The following AGPAT2 variants were observed in gnomAD, a reference collection of about 807,000 sequenced individuals.
AGPAT2 encodes 1-acylglycerol-3-phosphate O-acyltransferase 2, also known as 1-acyl-sn-glycerol-3-phosphate acyltransferase beta.
In AGPAT2, 18 loss-of-function variants were observed where a neutral mutation model predicts 26.1. That is an observed-to-expected ratio of 0.69 (90% CI 0.48 to 1.02). The LOEUF (loss-of-function observed/expected upper bound fraction) is 1.02. Ranked by LOEUF, AGPAT2 falls within the 50% of genes least tolerant of loss-of-function variation. The pLI, the probability that AGPAT2 is intolerant of heterozygous loss-of-function variation, is 0.00. For missense variants in AGPAT2, 415 were observed against 394.9 expected, an observed-to-expected ratio of 1.05 and a Z score of -0.43; for synonymous variants, 200 against 174.2, an observed-to-expected ratio of 1.15 and a Z score of -1.16.
At chr9:136,682,356 A>G (rs1210786120) in intron 1 of AGPAT2, among the ~76,000 whole-genome samples, 1 of 152,140 alleles carries the variant, frequency 6.6e-6, no homozygotes, top group African/African-American at 2.4e-5. Flanking sequence ...GTCCTGTGCC[A>G]AACACCCTGC....
chr9:136,676,897 G>A, intron 3 of AGPAT2, 64 bp downstream of exon 3: 2 of 1,577,436 alleles, frequency 1.3e-6, no homozygotes, highest in Non-Finnish European at 1.7e-6. Flanking sequence ...GTCACAAGCT[G>A]GCCCCTGCCT....
rs1846233935 is a variant in AGPAT2, at chr9:136,687,212, A to T, written c.146T>A (p.Leu49Gln). 2 of 1,592,738 alleles carry T rather than the reference A, an allele frequency of 1.3e-6. No homozygotes were observed. The highest frequency in any genetic ancestry group is 1.7e-6 in the Non-Finnish European group (2 of 1,174,168). Residue 49 changes from leucine (L) to glutamine (Q), a missense_variant, in exon 1 of 6, where the codon CTG (leucine) becomes CAG (glutamine). Physicochemically the swap from Leu to Gln is moderately radical, Grantham distance 113 (BLOSUM62 -2). Coordinates refer to ENST00000371696, the MANE Select transcript of AGPAT2 (RefSeq NM_006412.4). Reference sequence around the variant, plus strand: ...CACCGTCCGGCCGCCGTGGCGCAGCAGGCAGACGAGCGAGGCCACGGCGGA... The same window carrying T: ...CACCGTCCGGCCGCCGTGGCGCAGCTGGCAGACGAGCGAGGCCACGGCGGA... ...TVSAVASLVC[L>Q]LRHGGRTVEN...
Position 136,687,419 on chromosome 9 carries a change from C to A in AGPAT2, c.-62G>T, listed in dbSNP as rs566958496. On this transcript the variant is annotated 5_prime_UTR_variant, in exon 1 of 6. Coordinates refer to ENST00000371696, the MANE Select transcript of AGPAT2 (RefSeq NM_006412.4). ...TCCCGCTCCCGCTCCCGCTTCTCCC[C>A]CGCGCGCTCAGGCCCCTTATTGCGA... The A allele has an allele frequency of 1.5e-6, 2 of 1,350,420 alleles. No individual in the cohort carries two copies. The highest frequency in any genetic ancestry group is 3.1e-5 in the East Asian group (1 of 32,206). 83.7% of individuals were successfully genotyped at this position (1,350,420 alleles called of 1,614,324 possible). A position where few individuals can be genotyped will look rare whatever the true frequency, so the allele number is the denominator to read the frequency against.
At chr9:136,674,104 T>A (rs143210349) in intron 5 of AGPAT2, among the ~76,000 whole-genome samples, 177 bp from the exon 6 acceptor site, 66 of 152,344 alleles carry the variant, frequency 4.3e-4, no homozygotes, top group African/African-American at 1.5e-3. Flanking sequence ...GTAACGTTGC[T>A]GCAGTAAACC....
At chr9:136,684,102 C>G (rs1028651901) in intron 1 of AGPAT2, among the ~76,000 whole-genome samples, 1 of 152,186 alleles carries the variant, frequency 6.6e-6, no homozygotes, top group Non-Finnish European at 1.5e-5. Context: ...GAAGAGCACC[C>G]CTTTTCTGTC....
Position 136,687,054 on chromosome 9 carries a change from C to T in AGPAT2, c.182+122G>A, listed in dbSNP as rs1457535966. The T allele has an allele frequency of 1.9e-5, 23 of 1,195,624 alleles. No individual in the cohort carries two copies. The East Asian group carries it at 2.1e-4, about 11-fold the overall frequency. 74.1% of individuals were successfully genotyped at this position (1,195,624 alleles called of 1,614,324 possible). On this transcript the variant is annotated intron_variant, in intron 1 of 5. Transcript: ENST00000371696. ...CCTGCCGCCGGCCCAGGCGCGCTCT[C>T]CCCGGAGCCCCGGAGCGGGGCGGGA...
In AGPAT2 at chr9:136,676,565, G is replaced by C. The variant is rs766583849; in HGVS notation, c.588+20C>G. On this transcript the variant is annotated intron_variant, in intron 4 of 5. Transcript: ENST00000371696. ...CCTCCCCAGCCTGCACCCACCCAGG[G>C]AGGGCTGGGCTCAGCCTACCTGTGC... The C allele has an allele frequency of 6.2e-6, 10 of 1,604,070 alleles. No individual in the cohort carries two copies. The highest frequency in any genetic ancestry group is 8.5e-6 in the Non-Finnish European group (10 of 1,172,610).
At chr9:136,678,780 C>T (rs375305698) in intron 1 of AGPAT2, among the ~76,000 whole-genome samples, 2 of 119,782 alleles carry the variant, frequency 1.7e-5, no homozygotes, top group East Asian at 1.9e-4. Flanking sequence ...TCCCCTTGCT[C>T]TGTCTTGCTC....
intron 4 of AGPAT2, among the ~76,000 whole-genome samples, chr9:136,676,255 G>A (rs1462347252): frequency 2.0e-5 from 3 of 152,230 alleles, no homozygotes; most frequent in African/African-American, 2.4e-5. Flanking sequence ...GCCCAGAAAT[G>A]AGCCTCCTGA....
At chr9:136,680,605 G>A (rs1322091511) in intron 1 of AGPAT2, among the ~76,000 whole-genome samples, 2 of 152,138 alleles carry the variant, frequency 1.3e-5, no homozygotes, top group African/African-American at 2.4e-5. Context: ...AGGGCCACAT[G>A]GGGTCCCCCG....
intron 3 of AGPAT2, 138 bp from the exon 4 acceptor site, chr9:136,676,818 G>A (rs1036751925): frequency 8.0e-7 from 1 of 1,242,638 alleles, no homozygotes; most frequent in South Asian, 1.3e-5. Flanking sequence ...ATGATGTAGG[G>A]GTCTGGCGTG....
intron 1 of AGPAT2, among the ~76,000 whole-genome samples, chr9:136,686,781 CG>C (rs1846226642): frequency 6.6e-6 from 1 of 152,260 alleles, no homozygotes; most frequent in Non-Finnish European, 1.5e-5. Context: ...GGCAAGTCCC[CG>C]CCGCCCCGGC....
intron 5 of AGPAT2, among the ~76,000 whole-genome samples, chr9:136,674,235 C>A (rs56393704): frequency 2.0e-5 from 3 of 152,334 alleles, no homozygotes; most frequent in African/African-American, 7.2e-5. Context: ...GCCCTCCATA[C>A]GGGGCGAGGG....
chr9:136,675,837 C>T (rs935998867), intron 4 of AGPAT2, among the ~76,000 whole-genome samples: 5 of 152,160 alleles, frequency 3.3e-5, no homozygotes, highest in Admixed American at 6.5e-5. Flanking sequence ...CCAGGCCTCA[C>T]GGCCTTAGCT....
intron 1 of AGPAT2, among the ~76,000 whole-genome samples, chr9:136,682,790 G>A (rs1230996961): frequency 6.6e-6 from 1 of 152,128 alleles, no homozygotes; most frequent in Non-Finnish European, 1.5e-5. Context: ...CCCCGTAAGA[G>A]ACCCCTCTGG....
intron 1 of AGPAT2, among the ~76,000 whole-genome samples, chr9:136,681,204 C>T (rs1025087072): frequency 2.6e-5 from 4 of 151,912 alleles, no homozygotes; most frequent in African/African-American, 7.3e-5. Flanking sequence ...GCCCAGCAGG[C>T]GGTGCTGAGC....
chr9:136,679,251 C>A (rs1846131538), intron 1 of AGPAT2, among the ~76,000 whole-genome samples: 1 of 152,098 alleles, frequency 6.6e-6, no homozygotes, highest in African/African-American at 2.4e-5. Flanking sequence ...CCAGCCCTGG[C>A]ACTCTGCCCT....
At chr9:136,680,087 G>A (rs1489676003) in intron 1 of AGPAT2, among the ~76,000 whole-genome samples, 1 of 152,252 alleles carries the variant, frequency 6.6e-6, no homozygotes, top group African/African-American at 2.4e-5. Flanking sequence ...CTCATCTCCT[G>A]TGAAGGACAT....
intron 1 of AGPAT2, among the ~76,000 whole-genome samples, chr9:136,678,363 G>A (rs1382157890): frequency 6.6e-6 from 1 of 152,204 alleles, no homozygotes; most frequent in Non-Finnish European, 1.5e-5. Context: ...ATGTCCAAGG[G>A]GTACCCGAAG....
Sources: allele counts gnomAD v4.1 joint callset (sites outside exome capture counted in the v4.1 genomes callset), GRCh38; gene constraint gnomAD v4.1.1; transcripts MANE v1.5; gene names NCBI Gene and HGNC (gene_info 2026-07-23, HGNC 2026-07-21).